Variants in POLN observed in about 807,000 individuals in gnomAD.
The protein encoded by POLN is DNA polymerase N.
POLN carries 108 observed loss-of-function variants against 113.5 expected under a neutral mutation model. That is an observed-to-expected ratio of 0.95 (90% CI 0.81 to 1.12). POLN has a LOEUF of 1.12. Among genes scored for constraint, POLN ranks in the 50% most tolerant of loss-of-function variants. The probability of loss-of-function intolerance (pLI) is 0.00; values close to 1 mark genes in which losing one functional copy is unlikely to be tolerated. For synonymous variants in POLN, 386 were observed against 391.5 expected (o/e 0.99, Z 0.17); for missense variants, 1,097 against 1,077.1 (o/e 1.02, Z -0.26).
intron 19 of POLN, among the ~76,000 whole-genome samples, chr4:2,123,310 C>G (rs147582381): frequency 1.3e-5 from 2 of 151,342 alleles, no homozygotes; most frequent in Admixed American, 1.3e-4. Flanking sequence ...GCCAACATGG[C>G]GAAACCTCAT....
chr4:2,092,788 C>A (rs1730698792), intron 20 of POLN, among the ~76,000 whole-genome samples: 1 of 152,256 alleles, frequency 6.6e-6, no homozygotes, highest in South Asian at 2.1e-4. Flanking sequence ...AGGTGCAAAG[C>A]TCCTCTATGG....
intron 7 of POLN, among the ~76,000 whole-genome samples, chr4:2,186,536 C>A (rs1205557971): frequency 1.3e-5 from 2 of 152,126 alleles, no homozygotes; most frequent in African/African-American, 2.4e-5. Context: ...CACACCTGGG[C>A]TTAAGGTGCC....
At position 2,208,507 on chromosome 4, in the gene POLN, A is replaced by AG. The variant is rs1163576874; in HGVS notation, c.214-21_214-20insC. 1 of 1,479,026 alleles carries AG rather than the reference A, an allele frequency of 6.8e-7. No homozygotes were observed. The highest frequency in any genetic ancestry group is 1.4e-5 in the African/African-American group (1 of 70,874). 91.6% of individuals were successfully genotyped at this position (1,479,026 alleles called of 1,614,324 possible). A position where few individuals can be genotyped will look rare whatever the true frequency, so the allele number is the denominator to read the frequency against. ...AAGATCCTACAGAAAAATGGAAAAT[A>AG]TTTCATTAGAATATGGACTCATAAG... On this transcript the variant is annotated intron_variant, in intron 4 of 25. Coordinates refer to ENST00000511885, the MANE Select transcript of POLN (RefSeq NM_181808.4).
At chr4:2,155,506 T>C (rs1231837084) in intron 16 of POLN, among the ~76,000 whole-genome samples, 2 of 152,170 alleles carry the variant, frequency 1.3e-5, no homozygotes, top group Non-Finnish European at 2.9e-5. Context: ...TCTGCCTGCA[T>C]GCACTCGGTA....
At chr4:2,134,921 G>A (rs915876216) in intron 16 of POLN, among the ~76,000 whole-genome samples, 5 of 152,156 alleles carry the variant, frequency 3.3e-5, no homozygotes, top group African/African-American at 9.7e-5. Context: ...TACACATAAC[G>A]TACAAATTGC....
chr4:2,232,130 A>G, intron 2 of POLN: 7 of 1,573,470 alleles, frequency 4.4e-6, no homozygotes, highest in Non-Finnish European at 6.0e-6. Flanking sequence ...TTCAGTTGAG[A>G]TTCAACTTTA....
chr4:2,081,412 C>G, intron 22 of POLN: 1 of 621,244 alleles, frequency 1.6e-6, no homozygotes, highest in African/African-American at 1.8e-5. Flanking sequence ...CCAGTTCTTG[C>G]GGGAATCATC....
intron 13 of POLN, among the ~76,000 whole-genome samples, chr4:2,162,410 A>C (rs1732620886): frequency 6.6e-6 from 1 of 151,644 alleles, no homozygotes; most frequent in African/African-American, 2.4e-5. Flanking sequence ...CATCAGAAGG[A>C]ACAAACTCCA....
chr4:2,087,695 GTT>G lies in POLN; in HGVS notation c.2066-1953_2066-1952del, dbSNP rs1730581509. ...CAACATCTGGGTCATCTCAGGATCT[GTT>G]TCCATGATTGCCTTCTCTCTTGAGT... On this transcript the variant is annotated intron_variant, in intron 20 of 25. Coordinates refer to ENST00000511885, the MANE Select transcript of POLN (RefSeq NM_181808.4). Among the ~76,000 whole-genome samples, 3 of 152,230 alleles carry G rather than the reference GTT, an allele frequency of 2.0e-5. No individual in the cohort carries two copies. The East Asian group carries it at 5.8e-4, about 29-fold the overall frequency.
At chr4:2,137,507 G>A (rs895628230) in intron 16 of POLN, among the ~76,000 whole-genome samples, 11 of 152,200 alleles carry the variant, frequency 7.2e-5, no homozygotes, top group African/African-American at 9.6e-5. Flanking sequence ...TAAGCAGCTC[G>A]TGGAGCCTGA....
At chr4:2,165,860 T>C (rs2108744826) in intron 13 of POLN, among the ~76,000 whole-genome samples, 2 of 152,238 alleles carry the variant, frequency 1.3e-5, no homozygotes, top group Admixed American at 1.3e-4. Flanking sequence ...CAGTGCAGCC[T>C]TGAACTACTG....
intron 13 of POLN, among the ~76,000 whole-genome samples, chr4:2,169,861 A>C (rs544656373): frequency 2.0e-5 from 3 of 152,332 alleles, no homozygotes; most frequent in African/African-American, 7.2e-5. Flanking sequence ...CCTCCAGTGG[A>C]GCATCCTCTG....
intron 2 of POLN, among the ~76,000 whole-genome samples, chr4:2,237,399 G>T (rs369918627): frequency 2.0e-5 from 3 of 151,814 alleles, no homozygotes; most frequent in East Asian, 3.9e-4. Flanking sequence ...TCACATCACT[G>T]CACTCCTACC....
In POLN at chr4:2,090,316, A is replaced by G. The variant is rs1175384345; in HGVS notation, c.2066-4572T>C. On this transcript the variant is annotated intron_variant, in intron 20 of 25. Transcript: ENST00000511885. ...TTGTTCTTCAGAACTGATTCAATCA[A>G]TATTTCATCTGGCACAGCATCTCCA... is the stretch of plus-strand genomic sequence containing the variant. 8 of 805,408 alleles carry G rather than the reference A, an allele frequency of 9.9e-6. No homozygotes were observed. In the East Asian group the frequency reaches 1.7e-4, roughly 17 times the overall value. 49.9% of individuals were successfully genotyped at this position (805,408 alleles called of 1,614,324 possible). A position where few individuals can be genotyped will look rare whatever the true frequency, so the allele number is the denominator to read the frequency against.
rs1730877055 is a variant in POLN at position 2,099,651 on chromosome 4, T to C, written c.1983-3718A>G. On this transcript the variant is annotated intron_variant, in intron 19 of 25. Transcript: ENST00000511885. Reference sequence around the variant, plus strand: ...CAGAAAGGGGACAGCAGGGAAAGACTGAGGAAATCCAAGTCATGTGTGGAC... The same window carrying C: ...CAGAAAGGGGACAGCAGGGAAAGACCGAGGAAATCCAAGTCATGTGTGGAC... 2.0e-5 allele frequency among the ~76,000 whole-genome samples: 3 copies of C among 152,128 alleles called. No individual in the cohort carries two copies. In the South Asian group the frequency reaches 6.2e-4, roughly 32 times the overall value.
chr4:2,187,474 C>T (rs1428816506), intron 7 of POLN, among the ~76,000 whole-genome samples: 2 of 152,112 alleles, frequency 1.3e-5, no homozygotes, highest in Non-Finnish European at 2.9e-5. Context: ...GAACTCCTGA[C>T]CTCAAGTGAT....
Position 2,198,591 on chromosome 4 carries a change from T to C in POLN, c.841A>G (p.Ile281Val). Residue 281 changes from isoleucine (I) to valine (V), a missense_variant, in exon 6 of 26, where the codon ATC (isoleucine) becomes GTC (valine). Ile to Val is a conservative substitution (Grantham distance 29). Coordinates refer to ENST00000511885, the MANE Select transcript of POLN (RefSeq NM_181808.4). The part of the protein sequence containing the change: ...LEGFVSDDPC[I>V]YIQIEHSAIW... ...GCAGAGTGCTCTATTTGAATGTAGA[T>C]GCATGGATCATCTGACACAAAGCCC... The C allele has an allele frequency of 1.9e-6, 3 of 1,613,976 alleles. No homozygotes were observed. The South Asian group carries it at 3.3e-5, about 18-fold the overall frequency.
At chr4:2,236,333 T>C in intron 2 of POLN, 2 of 1,613,302 alleles carry the variant, frequency 1.2e-6, no homozygotes, top group Non-Finnish European at 1.7e-6. Flanking sequence ...CTTGAGCAGA[T>C]ACTGCCAACT....
chr4:2,104,995 G>A lies in POLN; in HGVS notation c.1983-9062C>T, dbSNP rs1036076524. ...TCACATGCAGCCCAAGAGCAATCAC[G>A]ACAGCAGCTACCCTTTGTTGAGATC... On this transcript the variant is annotated intron_variant, in intron 19 of 25. Transcript: ENST00000511885. 3.9e-5 allele frequency among the ~76,000 whole-genome samples: 6 copies of A among 152,296 alleles called. No individual in the cohort carries two copies. In the East Asian group the frequency reaches 1.2e-3, roughly 29 times the overall value.
Sources: gnomAD v4.1 joint callset for allele counts (sites outside exome capture counted in the v4.1 genomes callset) on GRCh38, gnomAD v4.1.1 for gene constraint, MANE v1.5 for transcripts, NCBI Gene and HGNC (gene_info 2026-07-23, HGNC 2026-07-21) for gene names.